Variants in INTS3 observed in about 807,000 individuals in gnomAD.
INTS3 encodes the protein integrator complex subunit 3, also known as SOSS complex subunit A.
Under a neutral mutation model 146.3 loss-of-function variants are expected in INTS3, and 34 were observed. The observed-to-expected ratio is 0.23, with a 90% CI of 0.18 to 0.31. INTS3 has a LOEUF of 0.31. Ranked by LOEUF, INTS3 falls within the 10% of genes least tolerant of loss-of-function variation. The pLI, the probability that INTS3 is intolerant of heterozygous loss-of-function variation, is 1.00. For missense variants in INTS3, 757 were observed against 1,304.2 expected (o/e 0.58, Z 6.46); for synonymous variants, 475 against 494.9 (o/e 0.96, Z 0.53).
Position 153,764,986 on chromosome 1 carries a change from A to G in INTS3, c.2013A>G (p.Leu671=). 1 of 1,613,940 alleles carries G rather than the reference A, an allele frequency of 6.2e-7. No homozygotes were observed. Among genetic ancestry groups the G allele is most frequent in the Non-Finnish European group, 8.5e-7 (1 of 1,179,900 alleles). Reference sequence around the variant, plus strand: ...AGGAAGACAACAGCAGCTTCTCTCTACTTCTAGACCTTCTCTCCGAGCTAT... The same window carrying G: ...AGGAAGACAACAGCAGCTTCTCTCTGCTTCTAGACCTTCTCTCCGAGCTAT... ...QMQEDNSSFS[L]LLDLLSELYQ... The change falls in exon 20 of 30, where the codon CTA becomes CTG. Residue 671 remains leucine, a synonymous_variant. Coordinates refer to ENST00000318967, the MANE Select transcript of INTS3 (RefSeq NM_023015.5).
chr1:153,729,853 G>T (rs1410698041), intron 1 of INTS3, among the ~76,000 whole-genome samples: 1 of 115,528 alleles, frequency 8.7e-6, no homozygotes, highest in Admixed American at 1.1e-4. Flanking sequence ...GACAGAGCGA[G>T]AGACCCCGTC....
At chr1:153,741,876 T>C (rs1296135521) in intron 3 of INTS3, among the ~76,000 whole-genome samples, 1 of 152,216 alleles carries the variant, frequency 6.6e-6, no homozygotes, top group Non-Finnish European at 1.5e-5. Flanking sequence ...TCAGACTTCC[T>C]GAGGAATATT....
At chr1:153,730,351 A>G (rs1010476189) in intron 1 of INTS3, among the ~76,000 whole-genome samples, 3 of 152,216 alleles carry the variant, frequency 2.0e-5, no homozygotes, top group South Asian at 2.1e-4. Flanking sequence ...CTGCCTGGCA[A>G]TTGGAATTAT....
At position 153,728,221 on chromosome 1, in the gene INTS3, C is replaced by G. The variant is rs1485403423; in HGVS notation, c.-414C>G. The G allele has an allele frequency of 2.5e-6, 1 of 397,012 alleles. No individual in the cohort carries two copies. Among genetic ancestry groups the G allele is most frequent in the African/African-American group, 2.1e-5 (1 of 48,544 alleles). 24.6% of individuals were successfully genotyped at this position (397,012 alleles called of 1,614,324 possible). A position where few individuals can be genotyped will look rare whatever the true frequency, so the allele number is the denominator to read the frequency against. On this transcript the variant is annotated 5_prime_UTR_variant, in exon 1 of 30. Transcript: ENST00000318967. ...GGCATCAGCCAGGAAGGTTTCCTAC[C>G]TCCTAATTCAGGGGCAGGACTCCTC...
chr1:153,747,619 T>C (rs1671798170), intron 5 of INTS3: 1 of 536,516 alleles, frequency 1.9e-6, no homozygotes, highest in African/African-American at 1.9e-5. Flanking sequence ...ATATTTGGCC[T>C]ATTTTAGCCA....
At chr1:153,769,113 G>A (rs1672712998) in intron 22 of INTS3, 152 bp downstream of exon 22, 1 of 653,230 alleles carries the variant, frequency 1.5e-6, no homozygotes. Flanking sequence ...TCAGCCATGG[G>A]GCCTGGGAAG....
At position 153,754,635 on chromosome 1, in the gene INTS3, G is replaced by A. The variant is rs1672094347; in HGVS notation, c.860-7G>A. 1 of 1,588,528 alleles carries A rather than the reference G, an allele frequency of 6.3e-7. No homozygotes were observed. Among genetic ancestry groups the A allele is most frequent in the Middle Eastern group, 1.7e-4 (1 of 6,004 alleles). On this transcript the variant is annotated splice_polypyrimidine_tract_variant and splice_region_variant and intron_variant, in intron 8 of 29. Transcript: ENST00000318967. ...CTCTTTTCTCTTCCCTTCCACATTT[G>A]ATTCAGGTATCCTACAGCTTCTTCA... is the stretch of plus-strand genomic sequence containing the variant.
intron 13 of INTS3, chr1:153,761,254 T>C (rs879745867): frequency 1.1e-4 from 59 of 513,478 alleles, no homozygotes; most frequent in Non-Finnish European, 1.4e-4. Context: ...CTCATGCCTG[T>C]AATCCCAGCA....
At position 153,767,782 on chromosome 1, in the gene INTS3, C is replaced by T. The variant is rs746975219; in HGVS notation, c.2199C>T (p.Asp733=). 20 of 1,613,084 alleles carry T rather than the reference C, an allele frequency of 1.2e-5. No individual in the cohort carries two copies. The highest frequency in any genetic ancestry group is 3.3e-4 in the Middle Eastern group (2 of 6,084). The change falls in exon 21 of 30, where the codon GAC becomes GAT. Residue 733 remains aspartate, a synonymous_variant. Transcript: ENST00000318967. ...LMMDMKACQE[D]DVRLLCHLTP... ...TGGACATGAAGGCCTGCCAGGAGGA[C>T]GATGTGCGGCTCCTGTGCCACCTCA...
At chr1:153,748,542 CAG>C in intron 5 of INTS3, 145 bp from the exon 6 acceptor site, 1 of 736,276 alleles carries the variant, frequency 1.4e-6, no homozygotes, top group Non-Finnish European at 2.5e-6. Context: ...TAAAGCCTGA[CAG>C]AACAGAAGGC....
Position 153,774,084 on chromosome 1 carries a change from G to A in INTS3, c.*814G>A, listed in dbSNP as rs1364153694. On this transcript the variant is annotated 3_prime_UTR_variant, in exon 30 of 30. Coordinates refer to ENST00000318967, the MANE Select transcript of INTS3 (RefSeq NM_023015.5). The stretch of plus-strand genomic sequence containing the variant: ...AATAAAACAAGCCAGAATGTCTTTT[G>A]TGCTGGAGTGTCTGCTGGCATTTGC... 1 of 150,914 alleles carries A rather than the reference G, an allele frequency of 6.6e-6. No individual in the cohort carries two copies. The highest frequency in any genetic ancestry group is 1.5e-5 in the Non-Finnish European group (1 of 67,000). 9.3% of individuals were successfully genotyped at this position (150,914 alleles called of 1,614,324 possible). A position where few individuals can be genotyped will look rare whatever the true frequency, so the allele number is the denominator to read the frequency against.
intron 14 of INTS3, 39 bp from the exon 15 acceptor site, chr1:153,762,689 A>G: frequency 1.9e-6 from 3 of 1,612,656 alleles, no homozygotes; most frequent in South Asian, 2.2e-5. Flanking sequence ...TAGAGGACCC[A>G]GGAGGCCATT....
chr1:153,760,100 C>T (rs918025278), intron 11 of INTS3: 51 of 585,196 alleles, frequency 8.7e-5, no homozygotes, highest in African/African-American at 3.7e-4. Flanking sequence ...GGCGTGGTGG[C>T]GCACACCTGT....
rs1368552486 is a variant in INTS3 at position 153,770,668 on chromosome 1, C to T, written c.2504-17C>T. Reference sequence around the variant, plus strand: ...ATCATACCTTCCCCCTGAACAGCCTCTGCCCTTCCCTCACAGAGCACCCAG... The same window carrying T: ...ATCATACCTTCCCCCTGAACAGCCTTTGCCCTTCCCTCACAGAGCACCCAG... On this transcript the variant is annotated splice_polypyrimidine_tract_variant and intron_variant, in intron 24 of 29. Coordinates refer to ENST00000318967, the MANE Select transcript of INTS3 (RefSeq NM_023015.5). 6.2e-7 allele frequency: 1 copy of T among 1,611,474 alleles called. No homozygotes were observed. Among genetic ancestry groups the T allele is most frequent in the Non-Finnish European group, 8.5e-7 (1 of 1,177,742 alleles).
At chr1:153,767,929 A>G in intron 21 of INTS3, 102 bp downstream of exon 21, 1 of 1,242,748 alleles carries the variant, frequency 8.0e-7, no homozygotes, top group Non-Finnish European at 1.1e-6. Context: ...GTTCATCCCC[A>G]CTAACCTAGG....
At position 153,773,461 on chromosome 1, in the gene INTS3, C is replaced by G; in HGVS notation, c.*191C>G. ...CCATGCAGCCCCTAGCCCCTTCCCT[C>G]CTCCTGGGGCCTCCAGCCCCTCACA... On this transcript the variant is annotated 3_prime_UTR_variant, in exon 30 of 30. Transcript: ENST00000318967. The G allele has an allele frequency of 1.6e-6, 1 of 620,164 alleles. No homozygotes were observed. The highest frequency in any genetic ancestry group is 4.4e-4 in the Middle Eastern group (1 of 2,280). The allele number at this position is 620,164 out of a possible 1,614,324, so 38.4% of individuals were successfully genotyped here.
intron 16 of INTS3, 68 bp from the exon 17 acceptor site, chr1:153,763,764 C>G (rs1199744944): frequency 1.5e-6 from 2 of 1,332,932 alleles, no homozygotes; most frequent in Non-Finnish European, 2.1e-6. Context: ...GTGCACTGTT[C>G]TGGGTGTGTG....
chr1:153,742,051 C>T (rs1671552561), intron 3 of INTS3, among the ~76,000 whole-genome samples: 1 of 152,050 alleles, frequency 6.6e-6, no homozygotes, highest in South Asian at 2.1e-4. Context: ...CAAGGGGAAC[C>T]AAAGGAAAAT....
chr1:153,763,739 C>T, intron 16 of INTS3, 93 bp from the exon 17 acceptor site: 1 of 1,067,480 alleles, frequency 9.4e-7, no homozygotes, highest in Admixed American at 2.0e-5. Context: ...TGTCTCTGTG[C>T]ATGTGAGTGT....
Sources: allele counts gnomAD v4.1 joint callset (sites outside exome capture counted in the v4.1 genomes callset), GRCh38; gene constraint gnomAD v4.1.1; transcripts MANE v1.5; gene names NCBI Gene and HGNC (gene_info 2026-07-23, HGNC 2026-07-21).